Variants in NCAM2 observed in about 807,000 individuals in gnomAD.
The protein encoded by NCAM2 is N-CAM-2.
NCAM2 carries 30 observed loss-of-function variants against 98.1 expected under a neutral mutation model. The observed-to-expected ratio is 0.31, with a 90% CI of 0.23 to 0.41. The LOEUF (loss-of-function observed/expected upper bound fraction) is 0.41, where lower values mean the gene tolerates loss of function less well. NCAM2 is among the 10% of genes least tolerant of loss of function. The probability of loss-of-function intolerance (pLI) is 1.00; values close to 1 mark genes in which losing one functional copy is unlikely to be tolerated. For synonymous variants in NCAM2, 368 were observed against 342.4 expected (o/e 1.07, Z -0.83); for missense variants, 867 against 1,005.8 (o/e 0.86, Z 1.87).
chr21:21,369,441 G>T (rs1280215002), intron 8 of NCAM2, among the ~76,000 whole-genome samples: 1 of 151,612 alleles, frequency 6.6e-6, no homozygotes, highest in Non-Finnish European at 1.5e-5. Flanking sequence ...TAGCATTTAT[G>T]TACAAGTTTT....
intron 1 of NCAM2, among the ~76,000 whole-genome samples, chr21:21,188,395 T>TA (rs1333983965): frequency 1.3e-5 from 2 of 152,184 alleles, no homozygotes. Flanking sequence ...TATAATTACA[T>TA]ATCCGTGAAA....
chr21:21,189,444 G>A (rs1228722945), intron 1 of NCAM2, among the ~76,000 whole-genome samples: 1 of 152,118 alleles, frequency 6.6e-6, no homozygotes, highest in Admixed American at 6.6e-5. Context: ...TTCCAAACTT[G>A]GCCAGATGTG....
intron 1 of NCAM2, among the ~76,000 whole-genome samples, chr21:21,061,094 C>T (rs1325282427): frequency 6.6e-6 from 1 of 151,996 alleles, no homozygotes; most frequent in African/African-American, 2.4e-5. Flanking sequence ...TGTGACGTTT[C>T]AGAGTAGCAA....
chr21:21,412,338 T>C (rs2076903446), intron 10 of NCAM2, among the ~76,000 whole-genome samples: 2 of 152,200 alleles, frequency 1.3e-5, no homozygotes, highest in African/African-American at 4.8e-5. Context: ...AATTACCTTC[T>C]TAAAGATCCT....
chr21:21,213,875 G>A (rs1045215577), intron 1 of NCAM2, among the ~76,000 whole-genome samples: 4 of 152,080 alleles, frequency 2.6e-5, no homozygotes, highest in African/African-American at 9.7e-5. Flanking sequence ...GGTGACAGGA[G>A]GATGTTCCAG....
At chr21:21,394,115 G>T (rs1197537636) in intron 9 of NCAM2, among the ~76,000 whole-genome samples, 3 of 152,076 alleles carry the variant, frequency 2.0e-5, no homozygotes, top group Admixed American at 2.0e-4. Flanking sequence ...GCATAACTTG[G>T]CTGTTTAAAA....
chr21:21,209,642 T>C (rs2069571228), intron 1 of NCAM2, among the ~76,000 whole-genome samples: 1 of 152,080 alleles, frequency 6.6e-6, no homozygotes, highest in South Asian at 2.1e-4. Flanking sequence ...ATTGCAGAGG[T>C]TGTCTGTTAT....
intron 16 of NCAM2, among the ~76,000 whole-genome samples, chr21:21,528,755 A>T (rs1004817826): frequency 6.6e-6 from 1 of 152,204 alleles, no homozygotes; most frequent in Non-Finnish European, 1.5e-5. Flanking sequence ...TCATTACTCC[A>T]TGACAACCAC....
intron 1 of NCAM2, among the ~76,000 whole-genome samples, chr21:20,999,017 C>G (rs1256591314): frequency 6.6e-6 from 1 of 152,120 alleles, no homozygotes; most frequent in Non-Finnish European, 1.5e-5. Context: ...GCAGCAAAAA[C>G]TATCAGTGTT....
intron 1 of NCAM2, among the ~76,000 whole-genome samples, chr21:21,162,561 A>C (rs1006373099): frequency 3.9e-5 from 6 of 152,116 alleles, no homozygotes; most frequent in African/African-American, 1.4e-4. Context: ...GGATCAGCAG[A>C]AATTCTGTAT....
chr21:21,134,278 G>A (rs1377590569), intron 1 of NCAM2, among the ~76,000 whole-genome samples: 1 of 151,998 alleles, frequency 6.6e-6, no homozygotes, highest in African/African-American at 2.4e-5. Flanking sequence ...CACCATGTTG[G>A]TTAGGCTGGT....
At chr21:21,426,304 T>C (rs747441289) in intron 11 of NCAM2, among the ~76,000 whole-genome samples, 19 of 152,140 alleles carry the variant, frequency 1.2e-4, no homozygotes, top group Non-Finnish European at 2.6e-4. Flanking sequence ...AGCATAGAAG[T>C]CCTTGAGTTG....
chr21:21,089,072 A>T lies in NCAM2; in HGVS notation c.55+90454A>T, dbSNP rs2826652. Among the ~76,000 whole-genome samples the T allele has an allele frequency of 5.5e-5, 5 of 90,944 alleles. No homozygotes were observed. The South Asian group carries it at 1.7e-3, about 30-fold the overall frequency. The allele number at this position is 90,944 out of a possible 152,430, so 59.7% of individuals were successfully genotyped here. A position where few individuals can be genotyped will look rare whatever the true frequency, so the allele number is the denominator to read the frequency against. ...GGTATTTAGCTAAATTATGTCAATCATTTTTTTTAGTTGTTTTTTGTTTGT... is the reference window on the plus strand; with the variant it reads ...GGTATTTAGCTAAATTATGTCAATCTTTTTTTTTAGTTGTTTTTTGTTTGT... On this transcript the variant is annotated intron_variant, in intron 1 of 17. Coordinates refer to ENST00000400546, the MANE Select transcript of NCAM2 (RefSeq NM_004540.5).
chr21:21,382,765 C>T (rs1424049326), intron 9 of NCAM2, among the ~76,000 whole-genome samples: 2 of 151,880 alleles, frequency 1.3e-5, no homozygotes, highest in East Asian at 1.9e-4. Context: ...CTCCTGACCT[C>T]GTGATCTGTC....
At chr21:21,468,929 C>A in intron 14 of NCAM2, 146 bp downstream of exon 14, 1 of 700,156 alleles carries the variant, frequency 1.4e-6, no homozygotes. Flanking sequence ...TGACAGTCAT[C>A]ATTGTGATTT....
At chr21:21,427,311 A>G (rs2077236159) in intron 11 of NCAM2, among the ~76,000 whole-genome samples, 1 of 152,206 alleles carries the variant, frequency 6.6e-6, no homozygotes, top group Non-Finnish European at 1.5e-5. Flanking sequence ...GAAAAGAGCT[A>G]TCTGATAAAG....
chr21:21,355,327 C>T (rs1036813009), intron 8 of NCAM2, among the ~76,000 whole-genome samples: 2 of 150,086 alleles, frequency 1.3e-5, no homozygotes, highest in East Asian at 2.0e-4. Context: ...TCCAGCTACT[C>T]GGGACGGGGC....
At chr21:21,325,709 C>A (rs924944307) in intron 6 of NCAM2, among the ~76,000 whole-genome samples, 3 of 152,112 alleles carry the variant, frequency 2.0e-5, no homozygotes, top group Admixed American at 2.0e-4. Context: ...AAATACTGTT[C>A]TACAATCTTT....
In NCAM2 at chr21:21,432,126, A is replaced by G. The variant is rs2077359367; in HGVS notation, c.1499A>G (p.Tyr500Cys). The change falls in exon 12 of 18, where the codon TAT becomes TGT. Residue 500 changes from tyrosine (Y) to cysteine (C), a missense_variant. By Grantham distance (194) the Tyr-to-Cys change is radical. Transcript: ENST00000400546. ...LALADVPSSP[Y>C]GVKIIELSQT... is the part of the protein sequence containing the mutation. ...TCCATAGACGTGCCATCCAGTCCCT[A>G]TGGAGTGAAGATCATAGAGCTGTCG... 3 of 1,613,966 alleles carry G rather than the reference A, an allele frequency of 1.9e-6. No individual in the cohort carries two copies. Among genetic ancestry groups the G allele is most frequent in the Non-Finnish European group, 2.5e-6 (3 of 1,179,892 alleles).
Sources: allele counts gnomAD v4.1 joint callset (sites outside exome capture counted in the v4.1 genomes callset), GRCh38; gene constraint gnomAD v4.1.1; transcripts MANE v1.5; gene names NCBI Gene and HGNC (gene_info 2026-07-23, HGNC 2026-07-21).